The following CALB2 variants were observed in gnomAD, a reference collection of about 807,000 sequenced individuals.
CALB2 encodes the protein calretinin.
In CALB2, 34 loss-of-function variants were observed where a neutral mutation model predicts 45.9. The ratio of observed to expected loss-of-function variants is 0.74; its 90% confidence interval spans 0.56 to 0.99. The LOEUF is 0.99. Among genes scored for constraint, CALB2 ranks in the 50% least tolerant of loss-of-function variants. The pLI, the probability that CALB2 is intolerant of heterozygous loss-of-function variation, is 0.00. For synonymous variants in CALB2, 142 were observed against 129.6 expected, an observed-to-expected ratio of 1.10 and a Z score of -0.65; for missense variants, 344 against 339.3, an observed-to-expected ratio of 1.01 and a Z score of -0.11.
chr16:71,367,165 G>C (rs143035249), intron 1 of CALB2, among the ~76,000 whole-genome samples: 1 of 152,134 alleles, frequency 6.6e-6, no homozygotes, highest in Non-Finnish European at 1.5e-5. Flanking sequence ...GTAGTGGTGC[G>C]GAATGGTAGC....
chr16:71,381,776 G>A (rs1331449036), intron 4 of CALB2, among the ~76,000 whole-genome samples: 1 of 152,056 alleles, frequency 6.6e-6, no homozygotes, highest in African/African-American at 2.4e-5. Flanking sequence ...CACTATGGGA[G>A]GCTGAGGTAG....
At chr16:71,388,365 A>G (rs1222181579) in intron 10 of CALB2, among the ~76,000 whole-genome samples, 2 of 151,452 alleles carry the variant, frequency 1.3e-5, no homozygotes, top group Admixed American at 6.6e-5. Context: ...AAAGAAAAAG[A>G]AAAAGAAAAA....
chr16:71,368,315 G>A lies in CALB2; in HGVS notation c.95-3838G>A, dbSNP rs1048057533. Among the ~76,000 whole-genome samples, 3 of 152,088 alleles carry A rather than the reference G, an allele frequency of 2.0e-5. No individual in the cohort carries two copies. The East Asian group carries it at 5.8e-4, about 29-fold the overall frequency. ...AGACAGGTGGAGGATTTAAAGACCA[G>A]CCTGGGCAACATGGCAAAACCCTGT... On this transcript the variant is annotated intron_variant, in intron 1 of 10. Coordinates refer to ENST00000302628, the MANE Select transcript of CALB2 (RefSeq NM_001740.5).
intron 9 of CALB2, chr16:71,385,353 A>C: frequency 2.1e-6 from 1 of 475,808 alleles, no homozygotes; most frequent in African/African-American, 1.9e-5. Flanking sequence ...AACGCACATG[A>C]AAAGCACCAC....
intron 1 of CALB2, among the ~76,000 whole-genome samples, chr16:71,369,128 T>G (rs2042318080): frequency 6.6e-6 from 1 of 152,166 alleles, no homozygotes; most frequent in Admixed American, 6.5e-5. Context: ...CCAAGGTGTT[T>G]GCAGCATGGG....
At chr16:71,364,784 C>T (rs968580761) in intron 1 of CALB2, among the ~76,000 whole-genome samples, 4 of 152,218 alleles carry the variant, frequency 2.6e-5, no homozygotes, top group African/African-American at 4.8e-5. Flanking sequence ...TAGCTCTTCA[C>T]TCTGGGGCTT....
At chr16:71,388,870 G>A (rs2042602940) in intron 10 of CALB2, among the ~76,000 whole-genome samples, 1 of 151,762 alleles carries the variant, frequency 6.6e-6, no homozygotes. Flanking sequence ...ACAGGTGCCT[G>A]TAATCCCAGC....
At chr16:71,375,685 C>T (rs570942943) in intron 3 of CALB2, among the ~76,000 whole-genome samples, 3 of 152,364 alleles carry the variant, frequency 2.0e-5, no homozygotes, top group African/African-American at 7.2e-5. Context: ...TGAGGCAGAA[C>T]TCTCCAGAGA....
intron 1 of CALB2, among the ~76,000 whole-genome samples, chr16:71,364,746 A>G (rs2042265459): frequency 1.3e-5 from 2 of 152,356 alleles, no homozygotes; most frequent in South Asian, 4.1e-4. Flanking sequence ...TTGAAATTCA[A>G]GTGCCCAAAC....
chr16:71,389,557 A>C (rs78589576), intron 10 of CALB2, 192 bp from the exon 11 acceptor site: 1 of 736,698 alleles, frequency 1.4e-6, no homozygotes, highest in Non-Finnish European at 2.5e-6. Context: ...CAATGCAGCC[A>C]GTAAGTGAAA....
chr16:71,379,383 T>C (rs865909516), intron 4 of CALB2, among the ~76,000 whole-genome samples: 4 of 152,296 alleles, frequency 2.6e-5, no homozygotes, highest in African/African-American at 4.8e-5. Flanking sequence ...ATGTTCAAAT[T>C]CATGTCTCTT....
rs544138378 is a variant in CALB2, at chr16:71,380,292, C to CTTTTTTTTT, written c.343-2400_343-2392dup. 5.5e-4 allele frequency among the ~76,000 whole-genome samples: 24 copies of CTTTTTTTTT among 43,814 alleles called. 1 individual carries two copies. Among genetic ancestry groups the CTTTTTTTTT allele is most frequent in the African/African-American group, 1.2e-3 (15 of 12,136 alleles). The allele number at this position is 43,814 out of a possible 152,430, so 28.7% of individuals were successfully genotyped here. A position where few individuals can be genotyped will look rare whatever the true frequency, so the allele number is the denominator to read the frequency against. On this transcript the variant is annotated intron_variant, in intron 4 of 10. Transcript: ENST00000302628. ...CTTTCTTTCTTCTTTCCTTCCTTTTCTTTTTTTTTTTTTTTTTTTTTTTTT... is the reference window on the plus strand; with the variant it reads ...CTTTCTTTCTTCTTTCCTTCCTTTTCTTTTTTTTTTTTTTTTTTTTTTTTTTTTTTTTTT...
At chr16:71,378,076 T>C (rs1339678634) in intron 4 of CALB2, among the ~76,000 whole-genome samples, 1 of 151,832 alleles carries the variant, frequency 6.6e-6, no homozygotes, top group African/African-American at 2.4e-5. Flanking sequence ...ACAAAAAAGT[T>C]AGCCTGGCGT....
At chr16:71,369,786 ATG>A (rs2042326893) in intron 1 of CALB2, among the ~76,000 whole-genome samples, 1 of 152,172 alleles carries the variant, frequency 6.6e-6, no homozygotes, top group African/African-American at 2.4e-5. Flanking sequence ...TCCGAGAAGA[ATG>A]TGACTTTGCC....
chr16:71,389,376 A>T, intron 10 of CALB2: 1 of 441,592 alleles, frequency 2.3e-6, no homozygotes, highest in Non-Finnish European at 4.6e-6. Flanking sequence ...TCATACATAG[A>T]TCATGACTGT....
rs768426697 is a variant in CALB2, at chr16:71,377,648, G to T, written c.262-19G>T. The T allele has an allele frequency of 4.6e-5, 74 of 1,591,912 alleles. No homozygotes were observed. Among genetic ancestry groups the T allele is most frequent in the Middle Eastern group, 1.7e-4 (1 of 6,016 alleles). On this transcript the variant is annotated intron_variant, in intron 3 of 10. Coordinates refer to ENST00000302628, the MANE Select transcript of CALB2 (RefSeq NM_001740.5). ...CAAGTCCCTCCATAACGTTAGTGTC[G>T]CTCTCTGTATCTTCACAGCTGGCGC...
chr16:71,365,957 T>C (rs2042280458), intron 1 of CALB2, among the ~76,000 whole-genome samples: 1 of 151,052 alleles, frequency 6.6e-6, no homozygotes. Flanking sequence ...GTGATCCTAA[T>C]ACACAGCCTC....
chr16:71,373,967 A>G (rs930975825), intron 2 of CALB2, among the ~76,000 whole-genome samples: 2 of 152,228 alleles, frequency 1.3e-5, no homozygotes, highest in Non-Finnish European at 2.9e-5. Context: ...GGAGCACACA[A>G]TTCATGTGGA....
intron 1 of CALB2, among the ~76,000 whole-genome samples, chr16:71,366,324 C>A (rs1456139215): frequency 2.2e-5 from 1 of 46,144 alleles, no homozygotes; most frequent in Non-Finnish European, 4.0e-5. Flanking sequence ...AGTGCCTGGC[C>A]TTTTTTTTTT....
Sources: allele counts gnomAD v4.1 joint callset (sites outside exome capture counted in the v4.1 genomes callset), GRCh38; gene constraint gnomAD v4.1.1; transcripts MANE v1.5; gene names NCBI Gene and HGNC (gene_info 2026-07-23, HGNC 2026-07-21).